Variants in XKR4 observed in about 807,000 individuals in gnomAD.
XKR4 encodes the protein XK related 4.
Under a neutral mutation model 53.9 loss-of-function variants are expected in XKR4, and 12 were observed. The observed-to-expected ratio is 0.22, with a 90% CI of 0.14 to 0.36. XKR4 has a LOEUF of 0.36. Ranked by LOEUF, XKR4 falls within the 10% of genes least tolerant of loss-of-function variation. XKR4 has a pLI of 1.00. For missense variants in XKR4, 799 were observed against 859.5 expected (o/e 0.93, Z 0.88); for synonymous variants, 354 against 362.4 (o/e 0.98, Z 0.26).
rs536796954 is a variant in XKR4 at position 55,462,382 on chromosome 8, T to G, written c.1007-60899T>G. ...TCATATCCAGCCAAACTAAGCTTCA[T>G]AAGTGAAGGAGAAATAAAATACTTT... On this transcript the variant is annotated intron_variant, in intron 2 of 2. Coordinates refer to ENST00000327381, the MANE Select transcript of XKR4 (RefSeq NM_052898.2). Among the ~76,000 whole-genome samples the G allele has an allele frequency of 4.7e-4, 72 of 152,178 alleles. No homozygotes were observed. The East Asian group carries it at 9.7e-3, about 20-fold the overall frequency.
intron 1 of XKR4, among the ~76,000 whole-genome samples, chr8:55,156,410 T>C (rs1052182594): frequency 2.7e-5 from 1 of 36,402 alleles, no homozygotes; most frequent in Non-Finnish European, 5.4e-5. Flanking sequence ...CGGCGTAAGA[T>C]GGCGAGGTGG....
intron 1 of XKR4, among the ~76,000 whole-genome samples, chr8:55,163,236 A>G (rs1263796608): frequency 1.3e-5 from 2 of 152,246 alleles, no homozygotes. Context: ...AACCCTGGAA[A>G]GAGAAGGCTT....
intron 1 of XKR4, chr8:55,135,329 C>G (rs2129353506): frequency 5.2e-6 from 1 of 192,306 alleles, no homozygotes; most frequent in South Asian, 1.1e-4. Flanking sequence ...AAACACTTAT[C>G]TAAAGCCTAC....
intron 2 of XKR4, among the ~76,000 whole-genome samples, chr8:55,399,057 C>A (rs1255190573): frequency 3.3e-5 from 5 of 152,182 alleles, no homozygotes; most frequent in Admixed American, 3.3e-4. Flanking sequence ...CCTCTGAATA[C>A]CTCTAAGGAA....
At chr8:55,512,904 C>A (rs1488079519) in intron 2 of XKR4, among the ~76,000 whole-genome samples, 1 of 152,142 alleles carries the variant, frequency 6.6e-6, no homozygotes, top group African/African-American at 2.4e-5. Flanking sequence ...AGCAGACTCC[C>A]AGCTCTCCTA....
At chr8:55,476,135 G>A (rs964270628) in intron 2 of XKR4, among the ~76,000 whole-genome samples, 5 of 152,044 alleles carry the variant, frequency 3.3e-5, no homozygotes, top group African/African-American at 9.7e-5. Context: ...AATTCTGTGG[G>A]TAGTAGGTAG....
At chr8:55,386,527 C>G (rs894756543) in intron 2 of XKR4, among the ~76,000 whole-genome samples, 1 of 152,200 alleles carries the variant, frequency 6.6e-6, no homozygotes, top group Non-Finnish European at 1.5e-5. Context: ...TCCCGCGTTC[C>G]TAATTGAGGA....
At chr8:55,335,305 G>C (rs528621702) in intron 1 of XKR4, among the ~76,000 whole-genome samples, 2 of 152,154 alleles carry the variant, frequency 1.3e-5, no homozygotes, top group East Asian at 3.9e-4. Context: ...ACTTATTATA[G>C]AATTATTTGA....
intron 2 of XKR4, among the ~76,000 whole-genome samples, chr8:55,464,539 T>C (rs1805724690): frequency 6.6e-6 from 1 of 152,068 alleles, no homozygotes. Flanking sequence ...GGGCAAAAAC[T>C]GGAAGCATTG....
At chr8:55,270,543 G>A (rs532740756) in intron 1 of XKR4, among the ~76,000 whole-genome samples, 8 of 152,316 alleles carry the variant, frequency 5.3e-5, no homozygotes, top group African/African-American at 1.9e-4. Context: ...AGGGCACCAT[G>A]TGTTAACAGA....
At chr8:55,105,448 T>C (rs1473301122) in intron 1 of XKR4, among the ~76,000 whole-genome samples, 3 of 152,180 alleles carry the variant, frequency 2.0e-5, no homozygotes, top group Non-Finnish European at 4.4e-5. Flanking sequence ...TGACCCAGAC[T>C]TGGAGAAACT....
At chr8:55,498,823 TTA>T (rs1806396021) in intron 2 of XKR4, among the ~76,000 whole-genome samples, 1 of 152,054 alleles carries the variant, frequency 6.6e-6, no homozygotes, top group Non-Finnish European at 1.5e-5. Flanking sequence ...GCTCACTACT[TTA>T]TGTCTATATC....
In XKR4 at chr8:55,533,172, A is replaced by G. The variant is rs1806978716; in HGVS notation, c.*8945A>G. Reference sequence around the variant, plus strand: ...CACCAGTAGAACGCATCTTAACACCAGCATTGCCATTGTGAGTCTAGAAAA... The same window carrying G: ...CACCAGTAGAACGCATCTTAACACCGGCATTGCCATTGTGAGTCTAGAAAA... On this transcript the variant is annotated 3_prime_UTR_variant, in exon 3 of 3. Coordinates refer to ENST00000327381, the MANE Select transcript of XKR4 (RefSeq NM_052898.2). The G allele has an allele frequency of 6.6e-6, 1 of 152,208 alleles. No individual in the cohort carries two copies. The highest frequency in any genetic ancestry group is 2.4e-5 in the African/African-American group (1 of 41,456). 9.4% of individuals were successfully genotyped at this position (152,208 alleles called of 1,614,324 possible). A position where few individuals can be genotyped will look rare whatever the true frequency, so the allele number is the denominator to read the frequency against.
chr8:55,341,079 G>A (rs1162194226), intron 1 of XKR4, among the ~76,000 whole-genome samples: 1 of 152,156 alleles, frequency 6.6e-6, no homozygotes, highest in Non-Finnish European at 1.5e-5. Flanking sequence ...ACATCATTGG[G>A]GGTGCTGCGG....
intron 2 of XKR4, among the ~76,000 whole-genome samples, chr8:55,396,007 A>T (rs909891888): frequency 6.6e-6 from 1 of 152,194 alleles, no homozygotes; most frequent in Non-Finnish European, 1.5e-5. Flanking sequence ...GAGAGAGAGG[A>T]AGTGGGTTCC....
intron 1 of XKR4, among the ~76,000 whole-genome samples, chr8:55,287,099 G>A (rs1316399544): frequency 7.3e-6 from 1 of 137,096 alleles, no homozygotes; most frequent in Non-Finnish European, 1.5e-5. Context: ...AAATTTAAAT[G>A]TCAAAATGAG....
At chr8:55,452,250 T>C (rs1418718615) in intron 2 of XKR4, 1 of 642,736 alleles carries the variant, frequency 1.6e-6, no homozygotes, top group African/African-American at 1.8e-5. Flanking sequence ...CTGCAGCCCG[T>C]CCTGCAATAG....
At chr8:55,482,544 A>G (rs1806126590) in intron 2 of XKR4, among the ~76,000 whole-genome samples, 1 of 142,924 alleles carries the variant, frequency 7.0e-6, no homozygotes, top group Admixed American at 6.8e-5. Context: ...CTTAAAGTAT[A>G]ATAATGATAA....
intron 1 of XKR4, among the ~76,000 whole-genome samples, chr8:55,276,557 GTAGA>G (rs1175590302): frequency 6.6e-6 from 1 of 152,206 alleles, no homozygotes; most frequent in Non-Finnish European, 1.5e-5. Flanking sequence ...ACATTAATTT[GTAGA>G]TAGAGATGCA....
Sources: gnomAD v4.1 joint callset for allele counts (sites outside exome capture counted in the v4.1 genomes callset) on GRCh38, gnomAD v4.1.1 for gene constraint, MANE v1.5 for transcripts, NCBI Gene and HGNC (gene_info 2026-07-23, HGNC 2026-07-21) for gene names.